Variants in PCDHGA7 observed in about 807,000 individuals in gnomAD.
The protein encoded by PCDHGA7 is protocadherin gamma subfamily A, 7, also known as protocadherin gamma-A7.
A neutral mutation model predicts 58.3 loss-of-function variants in PCDHGA7; 44 were observed. That is an observed-to-expected ratio of 0.75 (90% CI 0.59 to 0.97). PCDHGA7 has a LOEUF of 0.97. Ranked by LOEUF, PCDHGA7 falls within the 50% of genes least tolerant of loss-of-function variation. The pLI is 0.00. For missense variants in PCDHGA7, 1,266 were observed against 1,188.7 expected (o/e 1.06, Z -0.96); for synonymous variants, 516 against 504.2 (o/e 1.02, Z -0.31).
intron 1 of PCDHGA7, chr5:141,441,780 C>A: frequency 2.6e-6 from 1 of 391,236 alleles, no homozygotes. Flanking sequence ...GGTGGACGAC[C>A]TGAATGACAA....
At chr5:141,470,038 A>C (rs1256439782) in intron 1 of PCDHGA7, among the ~76,000 whole-genome samples, 1 of 152,204 alleles carries the variant, frequency 6.6e-6, no homozygotes, top group Non-Finnish European at 1.5e-5. Flanking sequence ...CTGAGGCGCG[A>C]GAACTGTTTG....
Position 141,485,581 on chromosome 5 carries a change from G to C in PCDHGA7, c.2425-9226G>C. The C allele has an allele frequency of 6.2e-7, 1 of 1,612,458 alleles. No individual in the cohort carries two copies. The highest frequency in any genetic ancestry group is 8.5e-7 in the Non-Finnish European group (1 of 1,178,652). ...ATCACGCCCCCCGTTTTCCGCGGCA[G>C]CAGCTGGACTTGGAAATTGGGGAGG... On this transcript the variant is annotated intron_variant, in intron 1 of 3. Coordinates refer to ENST00000518325, the MANE Select transcript of PCDHGA7 (RefSeq NM_018920.4). This position sits in a 1 kb window ranked among gnomAD's most constrained non-coding sequence, Gnocchi z 5.7.
chr5:141,393,399 C>G, intron 1 of PCDHGA7: 1 of 1,614,028 alleles, frequency 6.2e-7, no homozygotes, highest in Non-Finnish European at 8.5e-7. Flanking sequence ...AGAGCTGGTG[C>G]TGGAGCGCGC....
rs1780036142 is a variant in PCDHGA7 at position 141,384,388 on chromosome 5, CA to C, written c.1490del (p.Gln497ArgfsTer11). 4 of 1,613,934 alleles carry C rather than the reference CA, an allele frequency of 2.5e-6. No homozygotes were observed. Among genetic ancestry groups the C allele is most frequent in the Non-Finnish European group, 3.4e-6 (4 of 1,179,896 alleles). On this transcript the variant is annotated frameshift_variant, in exon 1 of 4. Coordinates refer to ENST00000518325, the MANE Select transcript of PCDHGA7 (RefSeq NM_018920.4). LOFTEE classifies it high-confidence loss of function. ...ITYSLAEDTI[Q>X]GAPVSSYVSI... The stretch of plus-strand genomic sequence containing the variant: ...TTATTCCTTGGCCGAAGACACCATC[CA>C]GGGGGCTCCAGTGTCCTCCTATGTC...
intron 1 of PCDHGA7, among the ~76,000 whole-genome samples, 197 bp from the exon 2 acceptor site, chr5:141,494,610 T>C (rs1428159953): frequency 6.6e-6 from 1 of 152,152 alleles, no homozygotes; most frequent in Non-Finnish European, 1.5e-5. Flanking sequence ...GATTTATCTC[T>C]TGGTTTCTGG....
chr5:141,511,443 C>A lies in PCDHGA7; in HGVS notation c.*270C>A. On this transcript the variant is annotated 3_prime_UTR_variant, in exon 4 of 4. Coordinates refer to ENST00000518325, the MANE Select transcript of PCDHGA7 (RefSeq NM_018920.4). ...GGGGTAGTGGGGTTACTGTAGACAC[C>A]AAGAACCATTTGCCACACCCCGTTT... 1 of 670,886 alleles carries A rather than the reference C, an allele frequency of 1.5e-6. No homozygotes were observed. Among genetic ancestry groups the A allele is most frequent in the Non-Finnish European group, 2.4e-6 (1 of 421,442 alleles). 41.6% of individuals were successfully genotyped at this position (670,886 alleles called of 1,614,324 possible).
In PCDHGA7 at chr5:141,387,872, G is replaced by T. The variant is rs1436610477; in HGVS notation, c.2424+2549G>T. ...TCTCCAGGCTGGTGAGCAAGCTGAG[G>T]AGAGCAAGAGGGATGGGGAGCGGCG... is the stretch of plus-strand genomic sequence containing the variant. On this transcript the variant is annotated intron_variant, in intron 1 of 3. Coordinates refer to ENST00000518325, the MANE Select transcript of PCDHGA7 (RefSeq NM_018920.4). The T allele has an allele frequency of 1.8e-5, 28 of 1,588,586 alleles. No homozygotes were observed. In the Admixed American group the frequency reaches 4.7e-4, roughly 26 times the overall value.
intron 1 of PCDHGA7, among the ~76,000 whole-genome samples, chr5:141,472,992 A>G (rs2099309983): frequency 6.6e-6 from 1 of 151,994 alleles, no homozygotes; most frequent in South Asian, 2.1e-4. Context: ...AAAAAAAAAA[A>G]AAAAAGAAAG....
Position 141,505,420 on chromosome 5 carries a change from C to G in PCDHGA7, c.2511C>G (p.Thr837=), listed in dbSNP as rs1236398971. 6.2e-7 allele frequency: 1 copy of G among 1,614,102 alleles called. No individual in the cohort carries two copies. Among genetic ancestry groups the G allele is most frequent in the Non-Finnish European group, 8.5e-7 (1 of 1,180,034 alleles). ...SGSQNGDDTG[T]WPNNQFDTEM... is the part of the protein sequence containing the mutation. ...CCCAAAATGGCGATGACACCGGCACCTGGCCCAACAACCAGTTTGACACAG... is the reference window on the plus strand; with the variant it reads ...CCCAAAATGGCGATGACACCGGCACGTGGCCCAACAACCAGTTTGACACAG... The change falls in exon 3 of 4, where the codon ACC becomes ACG. Residue 837 remains threonine (T), a synonymous_variant. Coordinates refer to ENST00000518325, the MANE Select transcript of PCDHGA7 (RefSeq NM_018920.4).
intron 1 of PCDHGA7, chr5:141,415,234 A>G: frequency 1.2e-6 from 2 of 1,614,136 alleles, no homozygotes; most frequent in Non-Finnish European, 1.7e-6. Context: ...GTCTCCAGCT[A>G]ACTCTGAAAC....
In PCDHGA7 at chr5:141,454,796, A is replaced by ATTTT. The variant is rs61612330; in HGVS notation, c.2425-39985_2425-39982dup. Among the ~76,000 whole-genome samples, 123 of 77,452 alleles carry ATTTT rather than the reference A, an allele frequency of 1.6e-3. 16 individuals are homozygous for ATTTT. The highest frequency in any genetic ancestry group is 7.2e-3 in the South Asian group (14 of 1,958). 50.8% of individuals were successfully genotyped at this position (77,452 alleles called of 152,430 possible). On this transcript the variant is annotated intron_variant, in intron 1 of 3. Coordinates refer to ENST00000518325, the MANE Select transcript of PCDHGA7 (RefSeq NM_018920.4). ...AAGGAAATAATCCTCCATGGTTCTAATTTTTTTTTTTTTTTTTTTTTTTTT... is the reference window on the plus strand; with the variant it reads ...AAGGAAATAATCCTCCATGGTTCTAATTTTTTTTTTTTTTTTTTTTTTTTTTTTT...
chr5:141,486,637 G>T lies in PCDHGA7; in HGVS notation c.2425-8170G>T. On this transcript the variant is annotated intron_variant, in intron 1 of 3. Coordinates refer to ENST00000518325, the MANE Select transcript of PCDHGA7 (RefSeq NM_018920.4). This position sits in a 1 kb window ranked among gnomAD's most constrained non-coding sequence, Gnocchi z 5.0. ...CTGACCCAGACTCTGGCTTGAATGCGCTTATCTCCTACTCACTCCTGGAGC... is the reference window on the plus strand; with the variant it reads ...CTGACCCAGACTCTGGCTTGAATGCTCTTATCTCCTACTCACTCCTGGAGC... 6.2e-7 allele frequency: 1 copy of T among 1,613,638 alleles called. No homozygotes were observed. The highest frequency in any genetic ancestry group is 8.5e-7 in the Non-Finnish European group (1 of 1,180,034).
In PCDHGA7 at chr5:141,510,950, C is replaced by T. The variant is rs770587030; in HGVS notation, c.2576C>T (p.Ala859Val). 1.2e-6 allele frequency: 2 copies of T among 1,614,126 alleles called. No homozygotes were observed. The highest frequency in any genetic ancestry group is 2.2e-5 in the South Asian group (2 of 91,078). ...QAMILASASE[A>V]ADGSSTLGGG... Reference sequence around the variant, plus strand: ...TGATCTTCCTCTGTCTCTGCAGAAGCTGCTGATGGGAGCTCCACCCTGGGA... The same window carrying T: ...TGATCTTCCTCTGTCTCTGCAGAAGTTGCTGATGGGAGCTCCACCCTGGGA... The change falls in exon 4 of 4, where the codon GCT (alanine) becomes GTT (valine). Residue 859 changes from alanine (A) to valine (V), a missense_variant. Physicochemically the swap from Ala to Val is moderately conservative, Grantham distance 64. Transcript: ENST00000518325.
chr5:141,413,298 G>A (rs1672233901), intron 1 of PCDHGA7: 3 of 1,613,950 alleles, frequency 1.9e-6, no homozygotes, highest in Non-Finnish European at 2.5e-6. Context: ...CAATTCCTGA[G>A]GAATTAGAGA....
intron 1 of PCDHGA7, chr5:141,390,095 TC>T (rs1456939693): frequency 6.2e-7 from 1 of 1,613,972 alleles, no homozygotes; most frequent in Non-Finnish European, 8.5e-7. Context: ...AATCCGTGGT[TC>T]CCCCCAACTA....
At position 141,491,187 on chromosome 5, in the gene PCDHGA7, G is replaced by A. The variant is rs2099709293; in HGVS notation, c.2425-3620G>A. ...CCCAGCAGGTGGTGGTCCTGGTGAG[G>A]GACAATGGTGACCCTTCACTCTCCT... On this transcript the variant is annotated intron_variant, in intron 1 of 3. Coordinates refer to ENST00000518325, the MANE Select transcript of PCDHGA7 (RefSeq NM_018920.4). The surrounding 1 kb of genome is among the most constrained non-coding windows in gnomAD (Gnocchi z 6.9). The A allele has an allele frequency of 6.2e-7, 1 of 1,614,064 alleles. No homozygotes were observed. The highest frequency in any genetic ancestry group is 1.1e-5 in the South Asian group (1 of 91,080).
intron 1 of PCDHGA7, among the ~76,000 whole-genome samples, chr5:141,437,556 T>C (rs1427506223): frequency 6.6e-6 from 1 of 152,228 alleles, no homozygotes; most frequent in African/African-American, 2.4e-5. Context: ...CTTTATGACA[T>C]GTAACAGAGT....
At position 141,434,489 on chromosome 5, in the gene PCDHGA7, C is replaced by G. The variant is rs921000136; in HGVS notation, c.2424+49166C>G. On this transcript the variant is annotated intron_variant, in intron 1 of 3. Coordinates refer to ENST00000518325, the MANE Select transcript of PCDHGA7 (RefSeq NM_018920.4). ...GAATGAGGGCAAGGAACACCTGGCC[C>G]GCCCAGGGCAGAAAACTGCTTAAAG... Among the ~76,000 whole-genome samples, 8 of 152,158 alleles carry G rather than the reference C, an allele frequency of 5.3e-5. 1 individual carries two copies. The highest frequency in any genetic ancestry group is 2.6e-4 in the Admixed American group (4 of 15,284).
intron 1 of PCDHGA7, chr5:141,424,411 C>T (rs1259102577): frequency 6.6e-6 from 1 of 152,154 alleles, no homozygotes; most frequent in Admixed American, 6.5e-5. Flanking sequence ...GGTGAAGTTA[C>T]ATTGACTGTT....
Sources: gnomAD v4.1 joint callset for allele counts (sites outside exome capture counted in the v4.1 genomes callset) on GRCh38, gnomAD v4.1.1 for gene constraint, Gnocchi (gnomAD v3.1) non-coding constraint, MANE v1.5 for transcripts, NCBI Gene and HGNC (gene_info 2026-07-23, HGNC 2026-07-21) for gene names.